Variants in RALYL observed in about 807,000 individuals in gnomAD.
The protein encoded by RALYL is RNA-binding Raly-like protein.
A neutral mutation model predicts 35.1 loss-of-function variants in RALYL; 29 were observed. The observed-to-expected ratio is 0.83, with a 90% CI of 0.61 to 1.13. RALYL has a LOEUF of 1.13. Ranked by LOEUF, RALYL falls within the 50% of genes most tolerant of loss-of-function variation. RALYL has a pLI of 0.00. For synonymous variants in RALYL, 120 were observed against 127.6 expected (o/e 0.94, Z 0.40); for missense variants, 359 against 360.4 (o/e 1.00, Z 0.03).
chr8:84,268,119 A>G (rs1053608175), intron 1 of RALYL, among the ~76,000 whole-genome samples: 4 of 152,240 alleles, frequency 2.6e-5, no homozygotes, highest in Non-Finnish European at 5.9e-5. Flanking sequence ...ACAATTTGTG[A>G]TGGCTGGGAG....
chr8:84,766,720 C>CAAA (rs751821694), intron 2 of RALYL, among the ~76,000 whole-genome samples: 348 of 17,974 alleles, frequency 0.019, 48 homozygotes, highest in African/African-American at 0.063. Context: ...GAGACTGTCT[C>CAAA]AAAAAAAAAA....
intron 1 of RALYL, among the ~76,000 whole-genome samples, chr8:84,247,260 G>A (rs1829290691): frequency 6.6e-6 from 1 of 152,124 alleles, no homozygotes; most frequent in Non-Finnish European, 1.5e-5. Context: ...ATTCAAGTAT[G>A]TCAAATGTGC....
chr8:84,335,708 C>CTTTT (rs1193454200), intron 1 of RALYL, among the ~76,000 whole-genome samples: 4 of 56,574 alleles, frequency 7.1e-5, no homozygotes, highest in South Asian at 7.7e-4. Context: ...TGTTTTCTTA[C>CTTTT]CTTTTTTTTT....
intron 1 of RALYL, among the ~76,000 whole-genome samples, chr8:84,257,137 CTT>C (rs1266459776): frequency 2.0e-5 from 3 of 151,514 alleles, no homozygotes; most frequent in Admixed American, 1.3e-4. Context: ...TTTTTTTACT[CTT>C]GAGTATAAAC....
chr8:84,739,776 G>A (rs146978227), intron 2 of RALYL, among the ~76,000 whole-genome samples: 43 of 151,972 alleles, frequency 2.8e-4, no homozygotes, highest in African/African-American at 1.0e-3. Flanking sequence ...AAATGAATCT[G>A]AGACTCTGAG....
intron 2 of RALYL, among the ~76,000 whole-genome samples, chr8:84,719,004 C>A (rs1451256314): frequency 1.3e-5 from 2 of 152,146 alleles, no homozygotes; most frequent in Non-Finnish European, 2.9e-5. Flanking sequence ...CTTGTCTGAG[C>A]TAATTCCTAC....
At chr8:84,671,398 G>T (rs1361370659) in intron 2 of RALYL, among the ~76,000 whole-genome samples, 1 of 152,168 alleles carries the variant, frequency 6.6e-6, no homozygotes, top group African/African-American at 2.4e-5. Flanking sequence ...ACTAGGCAGT[G>T]CCCCAGTGGG....
chr8:84,833,774 G>T (rs1178044521), intron 4 of RALYL, among the ~76,000 whole-genome samples: 1 of 151,866 alleles, frequency 6.6e-6, no homozygotes, highest in Admixed American at 6.6e-5. Flanking sequence ...TCTATGCTAT[G>T]AACTTTGATT....
At chr8:84,483,001 A>C (rs1372741467) in intron 1 of RALYL, among the ~76,000 whole-genome samples, 1 of 152,114 alleles carries the variant, frequency 6.6e-6, no homozygotes, top group East Asian at 1.9e-4. Context: ...CATTGGGTTC[A>C]AATTAACCTC....
At chr8:84,238,379 G>A (rs568668964) in intron 1 of RALYL, among the ~76,000 whole-genome samples, 29 of 151,300 alleles carry the variant, frequency 1.9e-4, no homozygotes, top group African/African-American at 6.6e-4. Flanking sequence ...TTTTTTCTCC[G>A]AAGACTCAAA....
chr8:84,693,064 G>A (rs1373263596), intron 2 of RALYL, among the ~76,000 whole-genome samples: 1 of 151,940 alleles, frequency 6.6e-6, no homozygotes, highest in African/African-American at 2.4e-5. Context: ...GTAAATTTGT[G>A]TGGTTTTAAA....
chr8:84,422,120 A>T (rs2132421069), intron 1 of RALYL, among the ~76,000 whole-genome samples: 2 of 148,036 alleles, frequency 1.4e-5, no homozygotes, highest in South Asian at 4.4e-4. Context: ...TTCAGAAGGA[A>T]TGGTACCAGT....
intron 6 of RALYL, among the ~76,000 whole-genome samples, chr8:84,868,268 A>G (rs765345282): frequency 6.6e-5 from 10 of 152,156 alleles, no homozygotes; most frequent in Non-Finnish European, 1.2e-4. Context: ...ATGCAGTGGC[A>G]TGTAACCTCA....
At chr8:84,521,267 A>T (rs2058437589) in intron 1 of RALYL, among the ~76,000 whole-genome samples, 1 of 152,202 alleles carries the variant, frequency 6.6e-6, no homozygotes, top group Non-Finnish European at 1.5e-5. Context: ...TCAGAAAGAG[A>T]GCTGTCACCA....
intron 1 of RALYL, among the ~76,000 whole-genome samples, chr8:84,394,346 A>G (rs767025993): frequency 1.3e-5 from 2 of 152,080 alleles, no homozygotes; most frequent in Non-Finnish European, 2.9e-5. Flanking sequence ...ATATTCATGA[A>G]TCTTTTTCTT....
chr8:84,806,217 A>G (rs1163333207), intron 4 of RALYL, among the ~76,000 whole-genome samples: 1 of 152,216 alleles, frequency 6.6e-6, no homozygotes, highest in East Asian at 1.9e-4. Flanking sequence ...TTTGAAGACT[A>G]CATGGAAAAT....
In RALYL at chr8:84,412,766, T is replaced by C. The variant is rs1586954518; in HGVS notation, c.-23-116533T>C. Among the ~76,000 whole-genome samples, 4 of 152,138 alleles carry C rather than the reference T, an allele frequency of 2.6e-5. No homozygotes were observed. The South Asian group carries it at 8.3e-4, about 31-fold the overall frequency. ...AGATTTAGATATGCAGAAAGAGCTT[T>C]GTCATTAAGGACCCAGGTAACTACG... On this transcript the variant is annotated intron_variant, in intron 1 of 8. Transcript: ENST00000521268.
intron 4 of RALYL, among the ~76,000 whole-genome samples, chr8:84,840,424 GA>G (rs1291205034): frequency 2.0e-5 from 3 of 151,958 alleles, no homozygotes; most frequent in Non-Finnish European, 2.9e-5. Flanking sequence ...AGAGAAAAAA[GA>G]AAAAAGAAAT....
At chr8:84,715,295 A>C (rs1369717811) in intron 2 of RALYL, among the ~76,000 whole-genome samples, 1 of 151,856 alleles carries the variant, frequency 6.6e-6, no homozygotes, top group Non-Finnish European at 1.5e-5. Context: ...ATAATCAAAC[A>C]TGTAATAGAA....
Sources: gnomAD v4.1 joint callset for allele counts (sites outside exome capture counted in the v4.1 genomes callset) on GRCh38, gnomAD v4.1.1 for gene constraint, MANE v1.5 for transcripts, NCBI Gene and HGNC (gene_info 2026-07-23, HGNC 2026-07-21) for gene names.